The following NINL variants were observed in gnomAD, a reference collection of about 807,000 sequenced individuals.
NINL encodes ninein-like protein.
In NINL, 153 loss-of-function variants were observed where a neutral mutation model predicts 160.3. The ratio of observed to expected loss-of-function variants is 0.95; its 90% CI spans 0.84 to 1.09. The LOEUF is 1.09. NINL is among the 50% of genes least tolerant of loss of function. The pLI, the probability that NINL is intolerant of heterozygous loss-of-function variation, is 0.00. For synonymous variants in NINL, 800 were observed against 734.8 expected (o/e 1.09, Z -1.43); for missense variants, 1,829 against 1,764.0 (o/e 1.04, Z -0.66).
At chr20:25,579,799 T>A (rs977302380) in intron 1 of NINL, among the ~76,000 whole-genome samples, 1 of 152,162 alleles carries the variant, frequency 6.6e-6, no homozygotes, top group Non-Finnish European at 1.5e-5. Flanking sequence ...GAGCAGCCCA[T>A]CCTGAGGTCT....
rs528169484 is a variant in NINL, at chr20:25,550,984, G to C, written c.-11-24386C>G. On this transcript the variant is annotated intron_variant, in intron 1 of 23. Transcript: ENST00000278886. ...CATATCTCAGGCTGTCTCAGTGGGG[G>C]GAAACCTTGGACAATACCCAGGCTT... Among the ~76,000 whole-genome samples the C allele has an allele frequency of 6.6e-5, 10 of 151,982 alleles. No individual in the cohort carries two copies. The South Asian group carries it at 1.5e-3, about 22-fold the overall frequency.
intron 1 of NINL, among the ~76,000 whole-genome samples, chr20:25,561,538 G>A (rs1026182746): frequency 1.3e-5 from 2 of 150,200 alleles, no homozygotes; most frequent in African/African-American, 2.5e-5. Context: ...TGCCCAGTCT[G>A]GAAAGTGAGA....
intron 19 of NINL, among the ~76,000 whole-genome samples, chr20:25,464,019 C>T (rs2062852930): frequency 6.6e-6 from 1 of 152,216 alleles, no homozygotes; most frequent in Admixed American, 6.5e-5. Flanking sequence ...TCACCTTGTC[C>T]TCTAAAGACA....
At chr20:25,544,426 C>G (rs983709288) in intron 1 of NINL, among the ~76,000 whole-genome samples, 1 of 152,188 alleles carries the variant, frequency 6.6e-6, no homozygotes, top group African/African-American at 2.4e-5. Context: ...AAGGAATGAG[C>G]AGGATGCAGA....
intron 18 of NINL, among the ~76,000 whole-genome samples, chr20:25,467,840 G>A (rs926773086): frequency 3.9e-5 from 6 of 152,092 alleles, no homozygotes; most frequent in African/African-American, 7.2e-5. Context: ...AATAGAGACC[G>A]AAACAGCCTG....
chr20:25,585,104 C>G (rs1262773210), intron 1 of NINL, among the ~76,000 whole-genome samples: 2 of 152,122 alleles, frequency 1.3e-5, no homozygotes, highest in Non-Finnish European at 2.9e-5. Flanking sequence ...CCACGGGGGG[C>G]CCCGGCCAAG....
intron 17 of NINL, 70 bp from the exon 18 acceptor site, chr20:25,470,165 C>T (rs983237349): frequency 4.0e-6 from 5 of 1,239,366 alleles, no homozygotes; most frequent in African/African-American, 3.0e-5. Flanking sequence ...GCTGGCTCTG[C>T]AGCGGGGAGT....
intron 15 of NINL, among the ~76,000 whole-genome samples, chr20:25,479,933 C>T (rs1382002975): frequency 6.6e-6 from 1 of 152,232 alleles, no homozygotes; most frequent in African/African-American, 2.4e-5. Context: ...GAGTATCACA[C>T]CATTCCCTCC....
chr20:25,453,125 G>T lies in NINL; in HGVS notation c.*326C>A. ...GGGTCGGAAGCACCACATGGAAAGT[G>T]CTGTCCATAACTGCTCACTTACCTG... is the stretch of plus-strand genomic sequence containing the variant. On this transcript the variant is annotated 3_prime_UTR_variant, in exon 24 of 24. Transcript: ENST00000278886. 1 of 217,112 alleles carries T rather than the reference G, an allele frequency of 4.6e-6. No individual in the cohort carries two copies. Among genetic ancestry groups the T allele is most frequent in the East Asian group, 9.7e-5 (1 of 10,352 alleles). The allele number at this position is 217,112 out of a possible 1,614,324, so 13.4% of individuals were successfully genotyped here.
intron 4 of NINL, among the ~76,000 whole-genome samples, chr20:25,512,216 G>A (rs423248): frequency 0.027 from 4,117 of 152,262 alleles, 179 homozygotes; most frequent in African/African-American, 0.09. Context: ...AGTTGTAAGT[G>A]CTGGGCCTCA....
Position 25,500,129 on chromosome 20 carries a change from T to C in NINL, c.1032+711A>G, listed in dbSNP as rs1175548052. ...TAGGTTTTTGTTCAGTTGAGTTCAC[T>C]GCACCTCGTGAGGCTGTCTTCCATC... On this transcript the variant is annotated intron_variant, in intron 8 of 23. Coordinates refer to ENST00000278886, the MANE Select transcript of NINL (RefSeq NM_025176.6). Among the ~76,000 whole-genome samples the C allele has an allele frequency of 4.6e-5, 7 of 152,268 alleles. No homozygotes were observed. In the East Asian group the frequency reaches 1.2e-3, roughly 25 times the overall value.
At chr20:25,581,484 G>C (rs1600380355) in intron 1 of NINL, among the ~76,000 whole-genome samples, 1 of 150,996 alleles carries the variant, frequency 6.6e-6, no homozygotes. Flanking sequence ...GTCCACCATA[G>C]AAAGAATGTG....
intron 19 of NINL, among the ~76,000 whole-genome samples, chr20:25,467,032 G>A (rs1005056712): frequency 1.9e-4 from 29 of 152,208 alleles, no homozygotes; most frequent in African/African-American, 6.8e-4. Context: ...GGCCAGTGCA[G>A]AGCCTCAGGC....
chr20:25,552,969 G>A (rs1378712656), intron 1 of NINL, among the ~76,000 whole-genome samples: 1 of 152,222 alleles, frequency 6.6e-6, no homozygotes, highest in Non-Finnish European at 1.5e-5. Flanking sequence ...TGGTGCAGGT[G>A]AGGCACTCAT....
chr20:25,454,265 CGCT>C (rs1444250729), intron 23 of NINL, among the ~76,000 whole-genome samples: 5 of 152,136 alleles, frequency 3.3e-5, no homozygotes, highest in Non-Finnish European at 7.3e-5. Flanking sequence ...TCTGCGTATG[CGCT>C]ACTGGCTGTG....
At chr20:25,484,215 A>C (rs1356525449) in intron 13 of NINL, among the ~76,000 whole-genome samples, 1 of 152,244 alleles carries the variant, frequency 6.6e-6, no homozygotes, top group East Asian at 1.9e-4. Flanking sequence ...CCTTGTTACA[A>C]AATACAAAGA....
At position 25,476,318 on chromosome 20, in the gene NINL, C is replaced by T. The variant is rs531796138; in HGVS notation, c.2973G>A (p.Gln991=). The T allele has an allele frequency of 2.3e-5, 37 of 1,613,068 alleles. No homozygotes were observed. The Admixed American group carries it at 4.0e-4, about 17-fold the overall frequency. ...ERARSWSRGT[Q]EQASEQQARA... ...GGGCCTGCTGCTCCGAGGCCTGCTC[C>T]TGGGTGCCCCTGCTCCAGCTTCGTG... The change falls in exon 17 of 24, where the codon CAG becomes CAA. Residue 991 remains glutamine (Q), a synonymous_variant. Transcript: ENST00000278886.
chr20:25,531,616 G>A (rs572388865), intron 1 of NINL, among the ~76,000 whole-genome samples: 9 of 152,214 alleles, frequency 5.9e-5, no homozygotes, highest in South Asian at 4.1e-4. Flanking sequence ...CTGACTTCCC[G>A]CAACAGGGGA....
At chr20:25,477,223 C>G (rs2063280596) in intron 16 of NINL, 134 bp from the exon 17 acceptor site, 1 of 836,912 alleles carries the variant, frequency 1.2e-6, no homozygotes, top group African/African-American at 1.7e-5. Flanking sequence ...TCCTCGCCTC[C>G]CTCAGCCCTG....
Sources: allele counts gnomAD v4.1 joint callset (sites outside exome capture counted in the v4.1 genomes callset), GRCh38; gene constraint gnomAD v4.1.1; transcripts MANE v1.5; gene names NCBI Gene and HGNC (gene_info 2026-07-23, HGNC 2026-07-21).